Variants in FBXW7 observed in about 807,000 individuals in gnomAD.
FBXW7 encodes F-box/WD repeat-containing protein 7.
Under a neutral mutation model 86.3 loss-of-function variants are expected in FBXW7, and 11 were observed. That is an observed-to-expected ratio of 0.13 (90% CI 0.08 to 0.21). The LOEUF is 0.21. Among genes scored for constraint, FBXW7 ranks in the 10% least tolerant of loss-of-function variants. The probability of loss-of-function intolerance (pLI) is 1.00; values close to 1 mark genes in which losing one functional copy is unlikely to be tolerated. For synonymous variants in FBXW7, 313 were observed against 297.9 expected, an observed-to-expected ratio of 1.05 and a Z score of -0.52; for missense variants, 488 against 847.4, an observed-to-expected ratio of 0.58 and a Z score of 5.27.
chr4:152,410,281 T>A (rs1465035533), intron 4 of FBXW7, among the ~76,000 whole-genome samples: 1 of 152,060 alleles, frequency 6.6e-6, no homozygotes, highest in African/African-American at 2.4e-5. Flanking sequence ...AAGAAGATGA[T>A]CAAGACTAGG....
chr4:152,455,825 T>C (rs1441199265), intron 2 of FBXW7, among the ~76,000 whole-genome samples: 2 of 152,158 alleles, frequency 1.3e-5, no homozygotes, highest in Non-Finnish European at 2.9e-5. Flanking sequence ...TCTGCCCTGA[T>C]TGGTTTTGCC....
At chr4:152,399,333 G>C (rs1217070814) in intron 4 of FBXW7, among the ~76,000 whole-genome samples, 1 of 152,152 alleles carries the variant, frequency 6.6e-6, no homozygotes, top group Non-Finnish European at 1.5e-5. Context: ...ACTTGATAAA[G>C]ACTACCTATA....
chr4:152,400,950 A>C (rs1736869816), intron 4 of FBXW7, among the ~76,000 whole-genome samples: 1 of 152,242 alleles, frequency 6.6e-6, no homozygotes, highest in Non-Finnish European at 1.5e-5. Flanking sequence ...AAGATGGTCA[A>C]CATCATATAT....
At chr4:152,363,315 G>T (rs28562555) in intron 4 of FBXW7, among the ~76,000 whole-genome samples, 2,467 of 152,102 alleles carry the variant, frequency 0.016, 60 homozygotes, top group African/African-American at 0.056. Flanking sequence ...TTTGTCCAGG[G>T]TTACTAAAAG....
intron 11 of FBXW7, among the ~76,000 whole-genome samples, chr4:152,327,677 T>C (rs1729173978): frequency 1.3e-5 from 2 of 152,090 alleles, no homozygotes; most frequent in East Asian, 3.9e-4. Flanking sequence ...ATCATAATTA[T>C]AAAAGGACTA....
intron 2 of FBXW7, among the ~76,000 whole-genome samples, chr4:152,454,617 A>T (rs1180448930): frequency 6.6e-6 from 1 of 152,148 alleles, no homozygotes. Context: ...GGGAACTATA[A>T]TATTTAGGAA....
chr4:152,449,756 C>A (rs1302513886), intron 2 of FBXW7, among the ~76,000 whole-genome samples: 1 of 152,140 alleles, frequency 6.6e-6, no homozygotes, highest in Non-Finnish European at 1.5e-5. Flanking sequence ...TATACTTAAG[C>A]ATTCTACCTT....
At chr4:152,449,554 G>GA (rs1177740717) in intron 2 of FBXW7, among the ~76,000 whole-genome samples, 1 of 152,070 alleles carries the variant, frequency 6.6e-6, no homozygotes, top group East Asian at 1.9e-4. Flanking sequence ...GTTTTAATGA[G>GA]AAAAAAGGAC....
chr4:152,439,289 T>C lies in FBXW7; in HGVS notation c.-119-26760A>G, dbSNP rs181407386. On this transcript the variant is annotated intron_variant, in intron 2 of 13. Coordinates refer to ENST00000281708, the MANE Select transcript of FBXW7 (RefSeq NM_001349798.2). ...ATAAAAACTACACCCTGGATCAGAT[T>C]TACTAGTTTTCACAATTTCATCATA... Among the ~76,000 whole-genome samples the C allele has an allele frequency of 5.3e-5, 8 of 152,246 alleles. No homozygotes were observed. The East Asian group carries it at 1.3e-3, about 26-fold the overall frequency.
At chr4:152,533,333 T>C (rs1480779182) in intron 2 of FBXW7, among the ~76,000 whole-genome samples, 1 of 152,182 alleles carries the variant, frequency 6.6e-6, no homozygotes, top group Admixed American at 6.5e-5. Flanking sequence ...CTTCCCAAAA[T>C]ACAGCTTCTA....
chr4:152,465,759 G>A (rs1007970337), intron 2 of FBXW7, among the ~76,000 whole-genome samples: 1 of 150,808 alleles, frequency 6.6e-6, no homozygotes, highest in African/African-American at 2.4e-5. Context: ...CAGGAGAATC[G>A]CTTGAACCCA....
chr4:152,475,113 T>C (rs749873181), intron 2 of FBXW7, among the ~76,000 whole-genome samples: 70 of 149,182 alleles, frequency 4.7e-4, no homozygotes, highest in Non-Finnish European at 6.1e-4. Flanking sequence ...TAAATAAATA[T>C]ATGTATATTT....
chr4:152,369,171 A>G (rs559311162), intron 4 of FBXW7, among the ~76,000 whole-genome samples: 6 of 152,184 alleles, frequency 3.9e-5, no homozygotes, highest in Non-Finnish European at 8.8e-5. Flanking sequence ...CACATCTAAA[A>G]ATGTCTTATG....
At chr4:152,516,947 TC>T (rs1016791569) in intron 2 of FBXW7, among the ~76,000 whole-genome samples, 9 of 152,254 alleles carry the variant, frequency 5.9e-5, no homozygotes, top group Admixed American at 3.9e-4. Flanking sequence ...TGCCTCAGCC[TC>T]CCAAGTAGCT....
intron 2 of FBXW7, among the ~76,000 whole-genome samples, chr4:152,499,907 A>G (rs1746761155): frequency 6.6e-6 from 1 of 152,130 alleles, no homozygotes; most frequent in African/African-American, 2.4e-5. Context: ...TCATTTAGTC[A>G]CAGCCAAAAA....
intron 2 of FBXW7, among the ~76,000 whole-genome samples, chr4:152,514,340 C>G (rs1748261953): frequency 6.6e-6 from 1 of 152,112 alleles, no homozygotes; most frequent in East Asian, 1.9e-4. Flanking sequence ...GAGCATGAAA[C>G]AAGTGATAAA....
intron 4 of FBXW7, among the ~76,000 whole-genome samples, chr4:152,396,288 C>CTT (rs1330130901): frequency 1.3e-5 from 2 of 151,986 alleles, no homozygotes; most frequent in African/African-American, 4.8e-5. Flanking sequence ...CAATTCTGCA[C>CTT]TTGCCCCCTC....
Position 152,347,089 on chromosome 4 carries a change from A to G in FBXW7, c.585-18T>C. 6.4e-7 allele frequency: 1 copy of G among 1,562,384 alleles called. No homozygotes were observed. The highest frequency in any genetic ancestry group is 1.4e-5 in the African/African-American group (1 of 72,210). Reference sequence around the variant, plus strand: ...CAGTGGTACTACAAAAAAAAAAAAAAGAGAGAGAGAAAGGATAAAAGGAAA... The same window carrying G: ...CAGTGGTACTACAAAAAAAAAAAAAGGAGAGAGAGAAAGGATAAAAGGAAA... On this transcript the variant is annotated intron_variant, in intron 5 of 13. Transcript: ENST00000281708.
At chr4:152,474,236 G>A (rs1744201374) in intron 2 of FBXW7, among the ~76,000 whole-genome samples, 1 of 152,196 alleles carries the variant, frequency 6.6e-6, no homozygotes, top group Non-Finnish European at 1.5e-5. Flanking sequence ...GATGCACAAT[G>A]AATTCAGCGA....
Sources: gnomAD v4.1 joint callset for allele counts (sites outside exome capture counted in the v4.1 genomes callset) on GRCh38, gnomAD v4.1.1 for gene constraint, MANE v1.5 for transcripts, NCBI Gene and HGNC (gene_info 2026-07-23, HGNC 2026-07-21) for gene names.